Variants in CLRN2 observed in about 807,000 individuals in gnomAD.
The protein encoded by CLRN2 is clarin 2, also known as clarin-2.
CLRN2 carries 17 observed loss-of-function variants against 20.1 expected under a neutral mutation model. The ratio of observed to expected loss-of-function variants is 0.85; its 90% CI spans 0.58 to 1.27. The LOEUF (loss-of-function observed/expected upper bound fraction) is 1.27, where lower values mean the gene tolerates loss of function less well. CLRN2 is among the 50% of genes most tolerant of loss of function. The pLI is 0.00. For synonymous variants in CLRN2, 140 were observed against 126.9 expected, an observed-to-expected ratio of 1.10 and a Z score of -0.70; for missense variants, 288 against 299.5, an observed-to-expected ratio of 0.96 and a Z score of 0.28.
intron 1 of CLRN2, among the ~76,000 whole-genome samples, chr4:17,521,989 C>A (rs901567882): frequency 1.3e-5 from 2 of 152,204 alleles, no homozygotes; most frequent in African/African-American, 4.8e-5. Context: ...GAAGGACGGG[C>A]TCTTTCAGGG....
intron 2 of CLRN2, among the ~76,000 whole-genome samples, chr4:17,526,486 A>G (rs1973003): frequency 0.98 from 149,385 of 152,202 alleles, 73,370 homozygotes; most frequent in East Asian, 1. Context: ...CTTGAACCCG[A>G]GAGGCAGAGG....
chr4:17,525,989 G>C (rs1398781407), intron 2 of CLRN2, among the ~76,000 whole-genome samples: 1 of 152,122 alleles, frequency 6.6e-6, no homozygotes, highest in Non-Finnish European at 1.5e-5. Flanking sequence ...GAGAGAGAGA[G>C]AGAGACAGAT....
At chr4:17,521,643 G>A (rs559833852) in intron 1 of CLRN2, among the ~76,000 whole-genome samples, 41 of 152,292 alleles carry the variant, frequency 2.7e-4, no homozygotes, top group African/African-American at 8.7e-4. Context: ...CACAGCCTCC[G>A]GTGTAAAAGG....
chr4:17,515,576 A>G, intron 1 of CLRN2, 57 bp downstream of exon 1: 2 of 1,577,546 alleles, frequency 1.3e-6, no homozygotes, highest in Non-Finnish European at 1.7e-6. Context: ...GTTAATGTGT[A>G]AGAGTGCTTA....
chr4:17,522,758 T>G (rs2109002813), intron 1 of CLRN2, 106 bp from the exon 2 acceptor site: 1 of 1,189,004 alleles, frequency 8.4e-7, no homozygotes, highest in Non-Finnish European at 1.2e-6. Flanking sequence ...CTTGCTGTCT[T>G]GCCCTCACCC....
chr4:17,515,438 A>G lies in CLRN2; in HGVS notation c.172A>G (p.Ile58Val). Residue 58 changes from isoleucine (I) to valine (V), a missense_variant, in exon 1 of 3, where the codon ATT (isoleucine) becomes GTT (valine). Transcript: ENST00000511148. ...NATDRELVKFIGDIYYGLFRG... is the reference protein window; with the variant it reads ...NATDRELVKFVGDIYYGLFRG... ...CACAGACAGAGAGCTGGTCAAGTTC[A>G]TTGGGGACATTTACTACGGGCTCTT... The G allele has an allele frequency of 2.5e-6, 4 of 1,613,934 alleles. No individual in the cohort carries two copies. Among genetic ancestry groups the G allele is most frequent in the African/African-American group, 1.3e-5 (1 of 75,014 alleles).
intron 1 of CLRN2, among the ~76,000 whole-genome samples, chr4:17,517,439 A>T (rs1711706294): frequency 6.6e-6 from 1 of 152,170 alleles, no homozygotes; most frequent in Non-Finnish European, 1.5e-5. Flanking sequence ...TTGAAACTTG[A>T]ATGGGGTGAG....
At chr4:17,518,443 C>T (rs28719835) in intron 1 of CLRN2, among the ~76,000 whole-genome samples, 42,733 of 152,146 alleles carry the variant, frequency 0.28, 6,623 homozygotes, top group African/African-American at 0.41. Flanking sequence ...GATGAACAAA[C>T]CAGACAAGTA....
At position 17,522,991 on chromosome 4, in the gene CLRN2, G is replaced by A. The variant is rs374029760; in HGVS notation, c.381G>A (p.Pro127=). ...GFAILNMIQV[P]YRAVSGPGGI... ...CCATTCTTAACATGATCCAGGTCCC[G>A]TACCGGGCAGTCAGCGGTCCTGGGG... Residue 127 remains proline, a synonymous_variant, in exon 2 of 3, where the codon CCG becomes CCA. Transcript: ENST00000511148. 62 of 1,613,666 alleles carry A rather than the reference G, an allele frequency of 3.8e-5. No individual in the cohort carries two copies. The highest frequency in any genetic ancestry group is 5.5e-5 in the South Asian group (5 of 91,054).
rs564919792 is a variant in CLRN2, at chr4:17,524,790, C to T, written c.433+1747C>T. 1.3e-4 allele frequency among the ~76,000 whole-genome samples: 19 copies of T among 151,928 alleles called. No individual in the cohort carries two copies. The East Asian group carries it at 1.9e-3, about 15-fold the overall frequency. On this transcript the variant is annotated intron_variant, in intron 2 of 2. Transcript: ENST00000511148. Reference sequence around the variant, plus strand: ...AAAAAAATTAGCTGTCCATGGTGTCCGGTGCCTGTAGTCTCAGCTGCTTGA... The same window carrying T: ...AAAAAAATTAGCTGTCCATGGTGTCTGGTGCCTGTAGTCTCAGCTGCTTGA...
At chr4:17,519,868 C>A (rs1200703963) in intron 1 of CLRN2, among the ~76,000 whole-genome samples, 2 of 151,974 alleles carry the variant, frequency 1.3e-5, no homozygotes, top group Non-Finnish European at 2.9e-5. Context: ...CTTTTTTCTT[C>A]TTTTTTAAAA....
intron 1 of CLRN2, among the ~76,000 whole-genome samples, chr4:17,520,396 T>A (rs1295580223): frequency 1.3e-5 from 2 of 152,256 alleles, no homozygotes. Flanking sequence ...ATACTGTTTT[T>A]TCTCCAATCT....
Position 17,522,418 on chromosome 4 carries a change from C to T in CLRN2, c.254-446C>T, listed in dbSNP as rs28649557. Among the ~76,000 whole-genome samples the T allele has an allele frequency of 6.0e-3, 914 of 152,252 alleles. 7 individuals carry two copies. The highest frequency in any genetic ancestry group is 0.021 in the African/African-American group (876 of 41,540). On this transcript the variant is annotated intron_variant, in intron 1 of 2. Transcript: ENST00000511148. ...GTACTGCTGGCAAACATAGAGAAAA[C>T]AAATATGAATTAAGATTTCACTAAC... is the stretch of plus-strand genomic sequence containing the variant.
chr4:17,525,978 GGAGAGA>G (rs754417747), intron 2 of CLRN2, among the ~76,000 whole-genome samples: 1 of 151,210 alleles, frequency 6.6e-6, no homozygotes, highest in African/African-American at 2.4e-5. Flanking sequence ...GAAGAGAGGG[GGAGAGA>G]GAGAGAGAGA....
chr4:17,515,258 C>A lies in CLRN2; in HGVS notation c.-9C>A. ...TCGGAGACCTTGGGGATGACCTGCA[C>A]CCACTAGCATGCCTGGATGGTTCAA... On this transcript the variant is annotated 5_prime_UTR_variant, in exon 1 of 3. Transcript: ENST00000511148. The A allele has an allele frequency of 6.2e-7, 1 of 1,612,996 alleles. No homozygotes were observed. Among genetic ancestry groups the A allele is most frequent in the Non-Finnish European group, 8.5e-7 (1 of 1,179,574 alleles).
At chr4:17,524,241 C>T (rs996336302) in intron 2 of CLRN2, among the ~76,000 whole-genome samples, 28 of 109,302 alleles carry the variant, frequency 2.6e-4, no homozygotes, top group African/African-American at 8.0e-4. Flanking sequence ...TGTGTGCGCG[C>T]GCATGTTGAT....
At chr4:17,525,801 GA>G (rs1298504549) in intron 2 of CLRN2, among the ~76,000 whole-genome samples, 1 of 152,058 alleles carries the variant, frequency 6.6e-6, no homozygotes, top group Non-Finnish European at 1.5e-5. Flanking sequence ...GAAACATAAA[GA>G]AAAACACTAA....
chr4:17,524,664 CT>C (rs1238103449), intron 2 of CLRN2, among the ~76,000 whole-genome samples: 1 of 151,934 alleles, frequency 6.6e-6, no homozygotes, highest in Non-Finnish European at 1.5e-5. Context: ...CTGTCCATTC[CT>C]TTCCTTAGAG....
At chr4:17,520,665 T>A (rs1269456241) in intron 1 of CLRN2, among the ~76,000 whole-genome samples, 1 of 152,222 alleles carries the variant, frequency 6.6e-6, no homozygotes, top group Non-Finnish European at 1.5e-5. Flanking sequence ...AGAGTTTTGG[T>A]AAGCATTACT....
Sources: gnomAD v4.1 joint callset for allele counts (sites outside exome capture counted in the v4.1 genomes callset) on GRCh38, gnomAD v4.1.1 for gene constraint, MANE v1.5 for transcripts, NCBI Gene and HGNC (gene_info 2026-07-23, HGNC 2026-07-21) for gene names.